KHDRBS3: variants seen among roughly 807,000 people sequenced by gnomAD.
KHDRBS3 encodes KH RNA binding domain containing, signal transduction associated 3.
A neutral mutation model predicts 45.6 loss-of-function variants in KHDRBS3; 23 were observed. The ratio of observed to expected loss-of-function variants is 0.50; its 90% CI spans 0.36 to 0.72. The LOEUF is 0.72. Ranked by LOEUF, KHDRBS3 falls within the 30% of genes least tolerant of loss-of-function variation. The pLI, the probability that KHDRBS3 is intolerant of heterozygous loss-of-function variation, is 0.00. For synonymous variants in KHDRBS3, 162 were observed against 156.5 expected (o/e 1.04, Z -0.26); for missense variants, 352 against 424.8 (o/e 0.83, Z 1.51).
At chr8:135,606,020 T>A (rs1829445397) in intron 6 of KHDRBS3, among the ~76,000 whole-genome samples, 1 of 152,218 alleles carries the variant, frequency 6.6e-6, no homozygotes, top group Admixed American at 6.5e-5. Context: ...TAAACTAATC[T>A]TATAAAGTCT....
intron 1 of KHDRBS3, among the ~76,000 whole-genome samples, chr8:135,482,854 G>T (rs1822654757): frequency 6.6e-6 from 1 of 152,124 alleles, no homozygotes; most frequent in South Asian, 2.1e-4. Flanking sequence ...AAGGTCAGTG[G>T]CAGTAAATGA....
chr8:135,638,559 G>C (rs1830915780), intron 7 of KHDRBS3, among the ~76,000 whole-genome samples: 1 of 152,158 alleles, frequency 6.6e-6, no homozygotes, highest in African/African-American at 2.4e-5. Context: ...TCACAGAATA[G>C]AAAATGATTA....
chr8:135,560,874 C>T (rs1827135369), intron 5 of KHDRBS3, among the ~76,000 whole-genome samples: 1 of 152,134 alleles, frequency 6.6e-6, no homozygotes. Flanking sequence ...CGGTTACCAC[C>T]TGTGTACTTG....
At chr8:135,617,365 T>C (rs1586811193) in intron 7 of KHDRBS3, among the ~76,000 whole-genome samples, 1 of 151,852 alleles carries the variant, frequency 6.6e-6, no homozygotes, top group Non-Finnish European at 1.5e-5. Context: ...GCAACCTCCG[T>C]CTCCTAGGTT....
intron 7 of KHDRBS3, among the ~76,000 whole-genome samples, chr8:135,637,293 A>T (rs1382221081): frequency 6.6e-6 from 1 of 152,230 alleles, no homozygotes; most frequent in East Asian, 1.9e-4. Context: ...ATTACATTTC[A>T]TTTATTTTGC....
At chr8:135,508,523 A>G (rs1475485975) in intron 1 of KHDRBS3, among the ~76,000 whole-genome samples, 2 of 152,192 alleles carry the variant, frequency 1.3e-5, no homozygotes, top group East Asian at 3.8e-4. Context: ...TAATTGTTTA[A>G]GGTAGCTGGT....
chr8:135,540,572 G>A (rs939677871), intron 2 of KHDRBS3: 7 of 152,214 alleles, frequency 4.6e-5, no homozygotes, highest in Non-Finnish European at 8.8e-5. Flanking sequence ...CTGAGGATGA[G>A]GGTGAGATAT....
chr8:135,567,547 G>T (rs558154363), intron 5 of KHDRBS3, among the ~76,000 whole-genome samples: 5 of 152,328 alleles, frequency 3.3e-5, no homozygotes, highest in African/African-American at 9.6e-5. Flanking sequence ...TTAATCTCCA[G>T]ACTAGCTTGG....
intron 1 of KHDRBS3, among the ~76,000 whole-genome samples, chr8:135,491,743 A>G (rs1823162997): frequency 6.6e-6 from 1 of 152,142 alleles, no homozygotes; most frequent in Non-Finnish European, 1.5e-5. Flanking sequence ...CAAGGTCCAA[A>G]TGATGTTTTA....
At chr8:135,470,574 G>GC (rs1325167068) in intron 1 of KHDRBS3, among the ~76,000 whole-genome samples, 1 of 144,950 alleles carries the variant, frequency 6.9e-6, no homozygotes, top group African/African-American at 2.7e-5. Flanking sequence ...GGGTTTTGCT[G>GC]CTTTTTTTTT....
In KHDRBS3 at chr8:135,476,850, A is replaced by T. The variant is rs140629780; in HGVS notation, c.88+18896A>T. Among the ~76,000 whole-genome samples, 61 of 152,328 alleles carry T rather than the reference A, an allele frequency of 4.0e-4. No individual in the cohort carries two copies. In the East Asian group the frequency reaches 0.011, roughly 28 times the overall value. The stretch of plus-strand genomic sequence containing the variant: ...AAGGTAAATGACATTGAAAGATGGG[A>T]ATAGAGGAAATGTTGAAAGTATAGT... On this transcript the variant is annotated intron_variant, in intron 1 of 8. Coordinates refer to ENST00000355849, the MANE Select transcript of KHDRBS3 (RefSeq NM_006558.3).
rs1388455858 is a variant in KHDRBS3, at chr8:135,486,478, G to A, written c.88+28524G>A. Among the ~76,000 whole-genome samples, 49 of 152,274 alleles carry A rather than the reference G, an allele frequency of 3.2e-4. 1 individual carries two copies. Among genetic ancestry groups the A allele is most frequent in the Non-Finnish European group, 2.9e-5 (2 of 68,022 alleles). The stretch of plus-strand genomic sequence containing the variant: ...CACACAGCCCAGAGATTAGAGGTTT[G>A]CTAGTAGGAAAAACAGATGCTATCT... On this transcript the variant is annotated intron_variant, in intron 1 of 8. Coordinates refer to ENST00000355849, the MANE Select transcript of KHDRBS3 (RefSeq NM_006558.3).
chr8:135,575,861 T>G (rs1827924245), intron 5 of KHDRBS3, among the ~76,000 whole-genome samples: 1 of 152,214 alleles, frequency 6.6e-6, no homozygotes, highest in African/African-American at 2.4e-5. Flanking sequence ...TTAACTAAAG[T>G]CCATTTCAGG....
intron 7 of KHDRBS3, among the ~76,000 whole-genome samples, chr8:135,618,770 T>A (rs1269637010): frequency 6.6e-6 from 1 of 152,208 alleles, no homozygotes; most frequent in Non-Finnish European, 1.5e-5. Flanking sequence ...CTTCGCTGTG[T>A]ATGTGATCTT....
chr8:135,536,211 A>G (rs1466727137), intron 2 of KHDRBS3, among the ~76,000 whole-genome samples: 1 of 131,778 alleles, frequency 7.6e-6, no homozygotes, highest in African/African-American at 2.8e-5. Context: ...CATAGACTTC[A>G]GTGTTAATTT....
chr8:135,590,766 T>A (rs1828707857), intron 6 of KHDRBS3, among the ~76,000 whole-genome samples: 1 of 152,210 alleles, frequency 6.6e-6, no homozygotes, highest in South Asian at 2.1e-4. Context: ...TCCCTTAAGA[T>A]GTGTAAACTA....
chr8:135,537,640 A>C (rs1186649203), intron 2 of KHDRBS3, among the ~76,000 whole-genome samples: 1 of 152,186 alleles, frequency 6.6e-6, no homozygotes, highest in African/African-American at 2.4e-5. Context: ...AATGGAGAAA[A>C]TAATGGGACT....
rs1188596866 is a variant in KHDRBS3, at chr8:135,630,485, G to GTATGTATGTATGTATGTATA, written c.891-14571_891-14552dup. On this transcript the variant is annotated intron_variant, in intron 7 of 8. Coordinates refer to ENST00000355849, the MANE Select transcript of KHDRBS3 (RefSeq NM_006558.3). Reference sequence around the variant, plus strand: ...CCCACAATGAGTTATAAAGTTTAATGTATGTATGTATGTATGTATATACAG... The same window carrying GTATGTATGTATGTATGTATA: ...CCCACAATGAGTTATAAAGTTTAATGTATGTATGTATGTATGTATATATGTATGTATGTATGTATATACAG... Among the ~76,000 whole-genome samples the GTATGTATGTATGTATGTATA allele has an allele frequency of 1.7e-4, 26 of 152,054 alleles. No homozygotes were observed. In the East Asian group the frequency reaches 3.1e-3, roughly 18 times the overall value.
At chr8:135,568,502 T>C (rs1332505889) in intron 5 of KHDRBS3, among the ~76,000 whole-genome samples, 1 of 152,120 alleles carries the variant, frequency 6.6e-6, no homozygotes, top group Non-Finnish European at 1.5e-5. Flanking sequence ...GAAAAAGTGA[T>C]GGGACTAAAA....
Sources: gnomAD v4.1 joint callset for allele counts (sites outside exome capture counted in the v4.1 genomes callset) on GRCh38, gnomAD v4.1.1 for gene constraint, MANE v1.5 for transcripts, NCBI Gene and HGNC (gene_info 2026-07-23, HGNC 2026-07-21) for gene names.